Variants in PRCD observed in about 807,000 individuals in gnomAD.
The protein encoded by PRCD is photoreceptor disk component PRCD.
A neutral mutation model predicts 10.1 loss-of-function variants in PRCD; 12 were observed. The ratio of observed to expected loss-of-function variants is 1.18; its 90% confidence interval spans 0.76 to 1.92. The LOEUF (loss-of-function observed/expected upper bound fraction) is 1.92, where lower values mean the gene tolerates loss of function less well. PRCD is among the 40% of genes most tolerant of loss of function. The pLI is 0.00. For missense variants in PRCD, 61 were observed against 72.2 expected (o/e 0.84, Z 0.56); for synonymous variants, 31 against 26.2 (o/e 1.18, Z -0.56).
upstream of PRCD, among the ~76,000 whole-genome samples, chr17:76,536,606 G>A (rs1192345313): frequency 1.3e-5 from 2 of 152,164 alleles, no homozygotes; most frequent in Non-Finnish European, 2.9e-5. Context: ...TCTAAGCCTA[G>A]GTGTGTGAAG....
chr17:76,550,462 A>G (rs2075099306), intron 1 of PRCD: 1 of 151,834 alleles, frequency 6.6e-6, no homozygotes, highest in South Asian at 2.1e-4. Flanking sequence ...GGGTTTCGCC[A>G]CGTTGGCCAG....
downstream of PRCD, among the ~76,000 whole-genome samples, chr17:76,547,967 CAT>C (rs1162369359): frequency 2.0e-5 from 3 of 151,498 alleles, no homozygotes; most frequent in Non-Finnish European, 4.4e-5. Flanking sequence ...CACACATACA[CAT>C]AAACATACAC....
intron 1 of PRCD, chr17:76,529,175 TC>T (rs1165607295): frequency 1.0e-6 from 1 of 984,204 alleles, no homozygotes; most frequent in Non-Finnish European, 1.2e-6. Context: ...AGGACTCTAC[TC>T]TGTAACTCCA....
rs779650045 is a variant in PRCD at position 76,531,078 on chromosome 17, G to A, written n.45+3245G>A. The A allele has an allele frequency of 1.5e-5, 25 of 1,613,630 alleles. 1 individual carries two copies. In the East Asian group the frequency reaches 1.6e-4, roughly 10 times the overall value. Reference sequence around the variant, plus strand: ...ACGCAGCTTGGCCCAGGCTCTCTGCGTCTCAGGTGGGAAGTCACTGGCAAA... The same window carrying A: ...ACGCAGCTTGGCCCAGGCTCTCTGCATCTCAGGTGGGAAGTCACTGGCAAA... On this transcript the variant is annotated intron_variant and non_coding_transcript_variant, in intron 1 of 4. Coordinates refer to the PRCD transcript ENST00000397633. This position sits in a 1 kb window ranked among gnomAD's most constrained non-coding sequence, Gnocchi z 7.4.
At chr17:76,541,763 A>G (rs2074995336) in intron 2 of PRCD, among the ~76,000 whole-genome samples, 2 of 152,246 alleles carry the variant, frequency 1.3e-5, no homozygotes, top group Admixed American at 6.5e-5. Context: ...GGTCCACGCT[A>G]TTGAGCCCGG....
chr17:76,538,940 A>C (rs541586164), upstream of PRCD, among the ~76,000 whole-genome samples: 17 of 152,362 alleles, frequency 1.1e-4, no homozygotes, highest in South Asian at 3.5e-3. Flanking sequence ...ATTTATTCTT[A>C]AAATCCGACT....
upstream of PRCD, chr17:76,537,382 G>A (rs773857390): frequency 5.7e-6 from 9 of 1,577,346 alleles, no homozygotes; most frequent in South Asian, 7.9e-5. Flanking sequence ...GGGCCCGGCC[G>A]GGCCGGGCGA....
At chr17:76,552,489 G>A (rs1038855680) in intron 1 of PRCD, among the ~76,000 whole-genome samples, 1 of 151,956 alleles carries the variant, frequency 6.6e-6, no homozygotes, top group Non-Finnish European at 1.5e-5. Flanking sequence ...GTGAGCCACT[G>A]CACCCAGCCT....
At chr17:76,541,966 T>C (rs1357343201) in intron 2 of PRCD, among the ~76,000 whole-genome samples, 2 of 152,214 alleles carry the variant, frequency 1.3e-5, no homozygotes, top group Admixed American at 1.3e-4. Context: ...GCTCGGGACC[T>C]GTGCTTTAGT....
At chr17:76,543,200 C>A in intron 4 of PRCD, 79 bp downstream of exon 4, 1 of 415,676 alleles carries the variant, frequency 2.4e-6, no homozygotes, top group Admixed American at 2.9e-5. Context: ...TGAGCAGGAC[C>A]TGGCTGGGCC....
intron 1 of PRCD, chr17:76,551,231 C>T: frequency 6.6e-6 from 1 of 152,176 alleles, no homozygotes; most frequent in Non-Finnish European, 1.5e-5. Context: ...ACAAACACCA[C>T]CACAAGCAAA....
intron 4 of PRCD, among the ~76,000 whole-genome samples, 178 bp from the exon 5 acceptor site, chr17:76,543,625 A>G (rs1415332972): frequency 6.6e-6 from 1 of 152,154 alleles, no homozygotes; most frequent in African/African-American, 2.4e-5. Context: ...CCTACCCACC[A>G]TGGCAGGCGG....
chr17:76,529,483 C>T lies in PRCD; in HGVS notation n.45+1650C>T, dbSNP rs1047057324. ...GCAGGACGGGCAGCGTGCTGGGGAACTTGGGCCATGTGTTTCTGATTCACT... is the reference window on the plus strand; with the variant it reads ...GCAGGACGGGCAGCGTGCTGGGGAATTTGGGCCATGTGTTTCTGATTCACT... On this transcript the variant is annotated intron_variant and non_coding_transcript_variant, in intron 1 of 4. Transcript: ENST00000397633. 5 of 985,348 alleles carry T rather than the reference C, an allele frequency of 5.1e-6. No individual in the cohort carries two copies. The African/African-American group carries it at 7.0e-5, about 14-fold the overall frequency. The allele number at this position is 985,348 out of a possible 1,614,324, so 61.0% of individuals were successfully genotyped here.
Position 76,533,640 on chromosome 17 carries a change from T to G in PRCD, n.45+5807T>G, listed in dbSNP as rs371454841. 2.6e-5 allele frequency among the ~76,000 whole-genome samples: 4 copies of G among 152,152 alleles called. No individual in the cohort carries two copies. The highest frequency in any genetic ancestry group is 2.1e-4 in the South Asian group (1 of 4,822). On this transcript the variant is annotated intron_variant and non_coding_transcript_variant, in intron 1 of 4. Coordinates refer to the PRCD transcript ENST00000397633. The surrounding 1 kb of genome is among the most constrained non-coding windows in gnomAD (Gnocchi z 4.5). ...CAGGGGCCTAAAGTGGGAGGATCAC[T>G]TGAACCCGGGAGGCCAAGGCTGCAG...
Position 76,531,662 on chromosome 17 carries a change from T to G in PRCD, n.45+3829T>G. The G allele has an allele frequency of 6.2e-7, 1 of 1,600,914 alleles. No individual in the cohort carries two copies. Among genetic ancestry groups the G allele is most frequent in the Non-Finnish European group, 8.6e-7 (1 of 1,168,916 alleles). On this transcript the variant is annotated intron_variant and non_coding_transcript_variant, in intron 1 of 4. Coordinates refer to the PRCD transcript ENST00000397633. This position sits in a 1 kb window ranked among gnomAD's most constrained non-coding sequence, Gnocchi z 7.4. ...CATGTGCTTGAACTGGCTGAAGTAC[T>G]GCTTGGCCGAGGGGAAGTTCACAAA...
Position 76,543,933 on chromosome 17 carries a change from G to GT in PRCD, c.*284dup, listed in dbSNP as rs1337569847. The GT allele has an allele frequency of 2.1e-6, 1 of 470,226 alleles. No individual in the cohort carries two copies. Among genetic ancestry groups the GT allele is most frequent in the Non-Finnish European group, 4.4e-6 (1 of 227,068 alleles). 29.1% of individuals were successfully genotyped at this position (470,226 alleles called of 1,614,324 possible). ...AGCTTGTCCTCCGAATGTGTTTTCTGTATGTGTGCAAGCGCGTGTGTTCCA... is the reference window on the plus strand; with the variant it reads ...AGCTTGTCCTCCGAATGTGTTTTCTGTTATGTGTGCAAGCGCGTGTGTTCCA... On this transcript the variant is annotated 3_prime_UTR_variant, in exon 5 of 5. Coordinates refer to ENST00000592014, the MANE Select transcript of PRCD (RefSeq NM_001077620.3).
In PRCD at chr17:76,545,338, C is replaced by G. The variant is rs1470902670; in HGVS notation, c.*1688C>G. ...TGTGAAGCTCAGGGCAAGGGTGGAC[C>G]TTTAAATGGGGGAATTAAATCCTGA... On this transcript the variant is annotated 3_prime_UTR_variant, in exon 5 of 5. Coordinates refer to ENST00000592014, the MANE Select transcript of PRCD (RefSeq NM_001077620.3). 2.2e-6 allele frequency: 1 copy of G among 456,616 alleles called. No homozygotes were observed. Among genetic ancestry groups the G allele is most frequent in the Non-Finnish European group, 4.4e-6 (1 of 226,972 alleles). 28.3% of individuals were successfully genotyped at this position (456,616 alleles called of 1,614,324 possible). A position where few individuals can be genotyped will look rare whatever the true frequency, so the allele number is the denominator to read the frequency against.
At chr17:76,538,350 G>T, upstream of PRCD, 2 of 335,968 alleles carry the variant, frequency 6.0e-6, no homozygotes, top group Admixed American at 3.7e-5. Flanking sequence ...CCCCCTGCCC[G>T]CCCACCGCCC....
chr17:76,545,480 C>T (rs1045478091), downstream of PRCD: 5 of 420,606 alleles, frequency 1.2e-5, no homozygotes, highest in Non-Finnish European at 1.9e-5. Context: ...AGATAAAGGG[C>T]AGCTAGAGAG....
Sources: allele counts gnomAD v4.1 joint callset (sites outside exome capture counted in the v4.1 genomes callset), GRCh38; gene constraint gnomAD v4.1.1; non-coding constraint Gnocchi (gnomAD v3.1); transcripts MANE v1.5; gene names NCBI Gene and HGNC (gene_info 2026-07-23, HGNC 2026-07-21).